Variants in GALNT2 observed in about 807,000 individuals in gnomAD.
The protein encoded by GALNT2 is UDP-GalNAc:polypeptide N-acetylgalactosaminyltransferase 2.
Under a neutral mutation model 81.4 loss-of-function variants are expected in GALNT2, and 31 were observed. That is an observed-to-expected ratio of 0.38 (90% CI 0.29 to 0.51). GALNT2 has a LOEUF of 0.51. GALNT2 is among the 20% of genes least tolerant of loss of function. GALNT2 has a pLI of 0.87. For missense variants in GALNT2, 629 were observed against 765.7 expected (o/e 0.82, Z 2.11); for synonymous variants, 303 against 287.4 (o/e 1.05, Z -0.55).
chr1:230,280,286 G>C lies in GALNT2; in HGVS notation c.*828G>C. 1 of 305,608 alleles carries C rather than the reference G, an allele frequency of 3.3e-6. No homozygotes were observed. The highest frequency in any genetic ancestry group is 7.7e-5 in the East Asian group (1 of 13,044). 18.9% of individuals were successfully genotyped at this position (305,608 alleles called of 1,614,324 possible). A position where few individuals can be genotyped will look rare whatever the true frequency, so the allele number is the denominator to read the frequency against. ...GCTGGGGGGCTTCCTCCAGACCACC[G>C]GCCTCGGCCCCGGCATCCCTGTTGG... On this transcript the variant is annotated 3_prime_UTR_variant, in exon 16 of 16. Coordinates refer to ENST00000366672, the MANE Select transcript of GALNT2 (RefSeq NM_004481.5).
At chr1:230,228,805 A>G (rs1446013759) in intron 3 of GALNT2, among the ~76,000 whole-genome samples, 2 of 152,134 alleles carry the variant, frequency 1.3e-5, no homozygotes, top group Non-Finnish European at 2.9e-5. Flanking sequence ...TTTAAGAATA[A>G]GCTCTTCAAG....
At chr1:230,121,553 T>C (rs952655527) in intron 1 of GALNT2, among the ~76,000 whole-genome samples, 4 of 152,252 alleles carry the variant, frequency 2.6e-5, no homozygotes, top group African/African-American at 9.6e-5. Flanking sequence ...CATTCCAGAA[T>C]ACTCAAGGCA....
intron 1 of GALNT2, among the ~76,000 whole-genome samples, chr1:230,112,123 A>C (rs968726615): frequency 6.6e-6 from 1 of 152,202 alleles, no homozygotes; most frequent in Admixed American, 6.5e-5. Flanking sequence ...CATGGTGGCC[A>C]CAGCTGGATC....
intron 15 of GALNT2, among the ~76,000 whole-genome samples, chr1:230,277,697 T>G (rs1014143000): frequency 2.0e-5 from 3 of 152,136 alleles, no homozygotes; most frequent in African/African-American, 7.2e-5. Context: ...CCTTGTGGTG[T>G]TTCGCGCAGG....
At chr1:230,206,963 A>G (rs553639434) in intron 3 of GALNT2, among the ~76,000 whole-genome samples, 1 of 150,792 alleles carries the variant, frequency 6.6e-6, no homozygotes, top group South Asian at 2.1e-4. Flanking sequence ...TAGGAGTTCA[A>G]CCCCCTGACC....
At chr1:230,216,315 G>A (rs994659490) in intron 3 of GALNT2, among the ~76,000 whole-genome samples, 2 of 152,146 alleles carry the variant, frequency 1.3e-5, no homozygotes, top group African/African-American at 2.4e-5. Context: ...TTTAGGCTAC[G>A]TATTTCACTT....
intron 1 of GALNT2, among the ~76,000 whole-genome samples, chr1:230,131,545 G>A (rs1661367249): frequency 6.6e-6 from 1 of 152,104 alleles, no homozygotes; most frequent in African/African-American, 2.4e-5. Context: ...AAGCCATCTG[G>A]GAGTTAGGTC....
intron 6 of GALNT2, 116 bp downstream of exon 6, chr1:230,236,841 C>G (rs1414092118): frequency 4.0e-6 from 4 of 1,011,160 alleles, no homozygotes; most frequent in Non-Finnish European, 5.7e-6. Flanking sequence ...TTCTGTCTCC[C>G]TCTACCAGAG....
At chr1:230,087,076 C>A (rs1386934221) in intron 1 of GALNT2, among the ~76,000 whole-genome samples, 1 of 152,174 alleles carries the variant, frequency 6.6e-6, no homozygotes, top group Non-Finnish European at 1.5e-5. Flanking sequence ...GAGGGGTCTT[C>A]TTCCATCCCA....
chr1:230,154,294 A>G (rs1662180210), intron 1 of GALNT2, among the ~76,000 whole-genome samples: 1 of 152,262 alleles, frequency 6.6e-6, no homozygotes, highest in Admixed American at 6.5e-5. Flanking sequence ...TCTTACTAGA[A>G]AAGAAACCCC....
chr1:230,082,077 A>T lies in GALNT2; in HGVS notation c.126+14671A>T, dbSNP rs558912976. The stretch of plus-strand genomic sequence containing the variant: ...AGAGCAGACCTGCAGGTCAGTGGTG[A>T]CATCAGGTGTGAATTTTTGGACTAG... On this transcript the variant is annotated intron_variant, in intron 1 of 15. Coordinates refer to ENST00000366672, the MANE Select transcript of GALNT2 (RefSeq NM_004481.5). Among the ~76,000 whole-genome samples the T allele has an allele frequency of 2.0e-5, 3 of 152,238 alleles. No individual in the cohort carries two copies. The East Asian group carries it at 5.8e-4, about 29-fold the overall frequency.
intron 1 of GALNT2, among the ~76,000 whole-genome samples, chr1:230,130,819 G>A (rs1052417628): frequency 1.3e-5 from 2 of 152,148 alleles, no homozygotes; most frequent in South Asian, 2.1e-4. Flanking sequence ...GGACACCAGC[G>A]AAGCTGCAAA....
chr1:230,278,291 T>A (rs558835591), intron 15 of GALNT2, among the ~76,000 whole-genome samples: 72 of 151,820 alleles, frequency 4.7e-4, no homozygotes, highest in African/African-American at 1.2e-3. Context: ...CTAATTTTTT[T>A]TAAAAAAAAT....
chr1:230,124,050 A>G (rs371811834), intron 1 of GALNT2, among the ~76,000 whole-genome samples: 31 of 152,338 alleles, frequency 2.0e-4, no homozygotes, highest in East Asian at 1.9e-3. Context: ...TGACCTGAAG[A>G]TATGACTCCC....
chr1:230,232,520 T>G (rs1664896646), intron 3 of GALNT2, among the ~76,000 whole-genome samples: 1 of 152,164 alleles, frequency 6.6e-6, no homozygotes, highest in Non-Finnish European at 1.5e-5. Context: ...AAATGCTGCC[T>G]TATGTCTCTT....
At chr1:230,214,293 G>A (rs1664322252) in intron 3 of GALNT2, among the ~76,000 whole-genome samples, 1 of 152,012 alleles carries the variant, frequency 6.6e-6, no homozygotes, top group South Asian at 2.1e-4. Flanking sequence ...TGTATTTTTA[G>A]TAGAGACTAG....
intron 1 of GALNT2, among the ~76,000 whole-genome samples, chr1:230,140,027 G>A (rs565274255): frequency 6.6e-6 from 1 of 152,350 alleles, no homozygotes; most frequent in East Asian, 1.9e-4. Flanking sequence ...CCCAGGCCCA[G>A]AGAGGCTGTG....
intron 2 of GALNT2, among the ~76,000 whole-genome samples, chr1:230,186,814 G>T (rs557017464): frequency 6.6e-6 from 1 of 152,286 alleles, no homozygotes; most frequent in East Asian, 1.9e-4. Flanking sequence ...AGTAATTTTT[G>T]ATAAATGCAC....
rs796224645 is a variant in GALNT2 at position 230,070,276 on chromosome 1, A to G, written c.126+2870A>G. Among the ~76,000 whole-genome samples the G allele has an allele frequency of 2.8e-4, 43 of 152,192 alleles. No homozygotes were observed. The highest frequency in any genetic ancestry group is 9.9e-4 in the African/African-American group (41 of 41,514). On this transcript the variant is annotated intron_variant, in intron 1 of 15. Transcript: ENST00000366672. This position sits in a 1 kb window ranked among gnomAD's most constrained non-coding sequence, Gnocchi z 4.7. ...CCCCCATATTTTGCTCTTTCCCCCT[A>G]AATTGATGATTTGCACTTCAAGCGT...
Sources: allele counts gnomAD v4.1 joint callset (sites outside exome capture counted in the v4.1 genomes callset), GRCh38; gene constraint gnomAD v4.1.1; non-coding constraint Gnocchi (gnomAD v3.1); transcripts MANE v1.5; gene names NCBI Gene and HGNC (gene_info 2026-07-23, HGNC 2026-07-21).